NSUN6: variants seen among roughly 807,000 people sequenced by gnomAD.
The protein encoded by NSUN6 is tRNA (cytosine(72)-C(5))-methyltransferase NSUN6.
A neutral mutation model predicts 58.0 loss-of-function variants in NSUN6; 64 were observed. The ratio of observed to expected loss-of-function variants is 1.10; its 90% CI spans 0.90 to 1.36. The LOEUF is 1.36. Ranked by LOEUF, NSUN6 falls within the 40% of genes most tolerant of loss-of-function variation. The pLI is 0.00. For missense variants in NSUN6, 701 were observed against 550.1 expected (o/e 1.27, Z -2.74); for synonymous variants, 231 against 193.9 (o/e 1.19, Z -1.59).
intron 8 of NSUN6, among the ~76,000 whole-genome samples, chr10:18,554,495 G>T (rs1256444088): frequency 6.6e-6 from 1 of 151,482 alleles, no homozygotes; most frequent in Non-Finnish European, 1.5e-5. Flanking sequence ...ATGAAAGGGA[G>T]AATGGAATGG....
chr10:18,555,153 T>C (rs1457056396), intron 8 of NSUN6, among the ~76,000 whole-genome samples: 1 of 144,498 alleles, frequency 6.9e-6, no homozygotes, highest in African/African-American at 2.6e-5. Context: ...GAGAATGGAA[T>C]GGAGGATGGA....
chr10:18,586,188 A>G, intron 7 of NSUN6, 95 bp from the exon 8 acceptor site: 1 of 1,035,782 alleles, frequency 9.7e-7, no homozygotes, highest in Non-Finnish European at 1.3e-6. Flanking sequence ...ATGAAAAATT[A>G]TGGTCTTTTC....
intron 7 of NSUN6, among the ~76,000 whole-genome samples, chr10:18,587,394 G>A (rs1297020882): frequency 6.6e-6 from 1 of 152,244 alleles, no homozygotes; most frequent in African/African-American, 2.4e-5. Context: ...GTATAGCATA[G>A]CAAAATATTT....
At chr10:18,597,591 G>C (rs1046182485) in intron 6 of NSUN6, among the ~76,000 whole-genome samples, 1 of 152,100 alleles carries the variant, frequency 6.6e-6, no homozygotes, top group Non-Finnish European at 1.5e-5. Flanking sequence ...CCAACATGGA[G>C]AAACCCCATC....
chr10:18,628,735 C>G (rs2058919426), intron 3 of NSUN6, among the ~76,000 whole-genome samples: 1 of 152,094 alleles, frequency 6.6e-6, no homozygotes, highest in African/African-American at 2.4e-5. Flanking sequence ...AGGAAAGCCT[C>G]CAAGAAATAT....
intron 7 of NSUN6, 29 bp from the exon 8 acceptor site, chr10:18,586,122 G>T (rs879033244): frequency 1.1e-5 from 13 of 1,152,902 alleles, no homozygotes; most frequent in African/African-American, 3.5e-5. Flanking sequence ...CACACATGCA[G>T]AAAAAAAAAA....
At chr10:18,574,224 G>A (rs1028728946) in intron 8 of NSUN6, among the ~76,000 whole-genome samples, 6 of 151,992 alleles carry the variant, frequency 3.9e-5, no homozygotes, top group African/African-American at 7.2e-5. Context: ...GTTATTAGTC[G>A]AAGAAAGCAG....
At chr10:18,581,369 C>CGATGAAAGTGACCTCTGGTGGT (rs2056896814) in intron 8 of NSUN6, among the ~76,000 whole-genome samples, 1 of 152,078 alleles carries the variant, frequency 6.6e-6, no homozygotes, top group African/African-American at 2.4e-5. Context: ...ACAAAGATGG[C>CGATGAAAGTGACCTCTGGTGGT]GATGAAAGTG....
At chr10:18,604,741 C>A (rs569712557) in intron 6 of NSUN6, among the ~76,000 whole-genome samples, 1 of 151,912 alleles carries the variant, frequency 6.6e-6, no homozygotes, top group South Asian at 2.1e-4. Context: ...CAAAAATTAA[C>A]TGGGTGTAGT....
At position 18,630,612 on chromosome 10, in the gene NSUN6, G is replaced by T. The variant is rs1192843763; in HGVS notation, c.311+11864C>A. 2.6e-5 allele frequency among the ~76,000 whole-genome samples: 4 copies of T among 152,246 alleles called. No homozygotes were observed. The East Asian group carries it at 7.7e-4, about 29-fold the overall frequency. On this transcript the variant is annotated intron_variant, in intron 3 of 10. Transcript: ENST00000377304. ...CACAGAAATACAAACTACCATCAGA[G>T]AATACTACAAACACCTCTAAGCAAA...
At chr10:18,616,626 A>T (rs1432231201) in intron 3 of NSUN6, among the ~76,000 whole-genome samples, 1 of 152,248 alleles carries the variant, frequency 6.6e-6, no homozygotes, top group East Asian at 1.9e-4. Context: ...CTAAAATAGA[A>T]AAATACACAA....
chr10:18,639,021 G>T (rs1258745430), intron 3 of NSUN6, among the ~76,000 whole-genome samples: 1 of 150,474 alleles, frequency 6.6e-6, no homozygotes, highest in African/African-American at 2.4e-5. Context: ...TTGGGAGGCC[G>T]AGGAGAGTAG....
chr10:18,645,119 T>C (rs1374604814), intron 2 of NSUN6, among the ~76,000 whole-genome samples: 10 of 140,050 alleles, frequency 7.1e-5, no homozygotes, highest in East Asian at 2.2e-4. Flanking sequence ...GATCGCGCCA[T>C]TGCACTCCAG....
intron 8 of NSUN6, among the ~76,000 whole-genome samples, chr10:18,585,606 T>G (rs530888767): frequency 5.9e-5 from 9 of 152,180 alleles, no homozygotes; most frequent in African/African-American, 2.2e-4. Context: ...TCTAAAAAAG[T>G]CAAACTCATA....
intron 6 of NSUN6, among the ~76,000 whole-genome samples, chr10:18,600,670 G>C (rs1243031087): frequency 1.3e-5 from 2 of 151,772 alleles, no homozygotes; most frequent in Non-Finnish European, 2.9e-5. Flanking sequence ...GCTCATGCCT[G>C]TGATCCCAAC....
chr10:18,564,331 A>G (rs534001802), intron 8 of NSUN6, among the ~76,000 whole-genome samples: 6 of 145,406 alleles, frequency 4.1e-5, no homozygotes, highest in Non-Finnish European at 7.5e-5. Flanking sequence ...ATTCCTTTCC[A>G]TTCTCCATTG....
In NSUN6 at chr10:18,596,169, A is replaced by G. The variant is rs1185504347; in HGVS notation, c.777+39T>C. ...AGAAATTACACATTGTGAAATATAC[A>G]CTACTTTGAGAGTGGATTTGCTGTG... On this transcript the variant is annotated intron_variant, in intron 7 of 10. Coordinates refer to ENST00000377304, the MANE Select transcript of NSUN6 (RefSeq NM_182543.5). 9 of 1,551,940 alleles carry G rather than the reference A, an allele frequency of 5.8e-6. No homozygotes were observed. In the East Asian group the frequency reaches 1.8e-4, roughly 31 times the overall value.
chr10:18,575,840 T>A (rs1407803697), intron 8 of NSUN6, among the ~76,000 whole-genome samples: 2 of 152,210 alleles, frequency 1.3e-5, no homozygotes, highest in Admixed American at 1.3e-4. Flanking sequence ...AAAAATTATA[T>A]ACTTGGTCTA....
intron 3 of NSUN6, among the ~76,000 whole-genome samples, chr10:18,630,568 G>T (rs2058993134): frequency 6.6e-6 from 1 of 152,008 alleles, no homozygotes; most frequent in African/African-American, 2.4e-5. Context: ...AATGACAAAG[G>T]GGATATCACC....
Sources: gnomAD v4.1 joint callset for allele counts (sites outside exome capture counted in the v4.1 genomes callset) on GRCh38, gnomAD v4.1.1 for gene constraint, MANE v1.5 for transcripts, NCBI Gene and HGNC (gene_info 2026-07-23, HGNC 2026-07-21) for gene names.